ZNF248: variants seen among roughly 807,000 people sequenced by gnomAD.
ZNF248 encodes zinc finger protein 248.
A neutral mutation model predicts 44.3 loss-of-function variants in ZNF248; 20 were observed. The ratio of observed to expected loss-of-function variants is 0.45; its 90% CI spans 0.32 to 0.66. The LOEUF (loss-of-function observed/expected upper bound fraction) is 0.66. ZNF248 is among the 30% of genes least tolerant of loss of function. The probability of loss-of-function intolerance (pLI) is 0.04; values close to 1 mark genes in which losing one functional copy is unlikely to be tolerated. For missense variants in ZNF248, 654 were observed against 677.0 expected (o/e 0.97, Z 0.38); for synonymous variants, 224 against 229.0 (o/e 0.98, Z 0.20).
chr10:37,854,964 C>A (rs950210491), intron 3 of ZNF248, among the ~76,000 whole-genome samples: 3 of 152,108 alleles, frequency 2.0e-5, no homozygotes, highest in East Asian at 1.9e-4. Context: ...ATAAAGGACC[C>A]CATCCACAGC....
At chr10:37,822,837 T>C (rs1341887971) in intron 6 of ZNF248, among the ~76,000 whole-genome samples, 3 of 152,168 alleles carry the variant, frequency 2.0e-5, no homozygotes, top group African/African-American at 7.2e-5. Context: ...AAAGTCATCC[T>C]GGGCAACAGG....
At chr10:37,824,069 C>T (rs368775258), downstream of ZNF248, among the ~76,000 whole-genome samples, 2 of 152,068 alleles carry the variant, frequency 1.3e-5, no homozygotes, top group Admixed American at 6.5e-5. Flanking sequence ...ATTATGGAGG[C>T]TAGCAAGTCC....
At chr10:37,790,984 TC>T (rs2048463233) in intron 6 of ZNF248, among the ~76,000 whole-genome samples, 1 of 148,330 alleles carries the variant, frequency 6.7e-6, no homozygotes, top group Admixed American at 6.7e-5. Flanking sequence ...ACAGTCAAGT[TC>T]CCACCTTGGG....
At chr10:37,791,228 G>A (rs1225218788) in intron 6 of ZNF248, among the ~76,000 whole-genome samples, 1 of 151,370 alleles carries the variant, frequency 6.6e-6, no homozygotes, top group East Asian at 1.9e-4. Flanking sequence ...ATTTTTAGTA[G>A]AGACGGGGTT....
At position 37,829,256 on chromosome 10, in the gene ZNF248, T is replaced by G. The variant is rs1303598907; in HGVS notation, c.*2359A>C. The G allele has an allele frequency of 4.1e-6, 4 of 985,362 alleles. No homozygotes were observed. The highest frequency in any genetic ancestry group is 1.7e-5 in the African/African-American group (1 of 57,248). 61.0% of individuals were successfully genotyped at this position (985,362 alleles called of 1,614,324 possible). A position where few individuals can be genotyped will look rare whatever the true frequency, so the allele number is the denominator to read the frequency against. ...GCTCTGGTAACACTGTTTCCCTCCT[T>G]GCCCTTCAAGGCTCAGAATGGCAAT... is the stretch of plus-strand genomic sequence containing the variant. On this transcript the variant is annotated 3_prime_UTR_variant, in exon 6 of 6. Coordinates refer to ENST00000395867, the MANE Select transcript of ZNF248 (RefSeq NM_021045.3).
At chr10:37,795,229 C>T (rs2049013468) in intron 6 of ZNF248, 1 of 152,182 alleles carries the variant, frequency 6.6e-6, no homozygotes. Context: ...TGAGGATAAT[C>T]ATGAGATGTC....
At chr10:37,819,027 C>T (rs2053029866) in intron 6 of ZNF248, 1 of 830,544 alleles carries the variant, frequency 1.2e-6, no homozygotes. Context: ...GATGTCAGCT[C>T]CATGCCACCC....
At chr10:37,804,078 A>C (rs970826179) in intron 6 of ZNF248, 4 of 150,802 alleles carry the variant, frequency 2.7e-5, no homozygotes, top group African/African-American at 4.9e-5. Context: ...TCACCTCTCT[A>C]AACTTGTTTC....
the ZNF248 span, among the ~76,000 whole-genome samples, chr10:37,762,194 A>T: frequency 6.6e-6 from 1 of 152,230 alleles, no homozygotes; most frequent in Non-Finnish European, 1.5e-5. Flanking sequence ...ACTGTTGAAT[A>T]GCAAATCAAA....
downstream of ZNF248, among the ~76,000 whole-genome samples, chr10:37,772,337 C>T (rs568997137): frequency 1.3e-5 from 2 of 151,742 alleles, no homozygotes; most frequent in Non-Finnish European, 1.5e-5. Flanking sequence ...TACTATCATG[C>T]AAAGTGAGAA....
chr10:37,830,605 T>C lies in ZNF248; in HGVS notation c.*1010A>G. 2 of 985,284 alleles carry C rather than the reference T, an allele frequency of 2.0e-6. No homozygotes were observed. Among genetic ancestry groups the C allele is most frequent in the South Asian group, 4.7e-5 (1 of 21,282 alleles). The allele number at this position is 985,284 out of a possible 1,614,324, so 61.0% of individuals were successfully genotyped here. A position where few individuals can be genotyped will look rare whatever the true frequency, so the allele number is the denominator to read the frequency against. On this transcript the variant is annotated 3_prime_UTR_variant, in exon 6 of 6. Transcript: ENST00000395867. The stretch of plus-strand genomic sequence containing the variant: ...TTGTATTGCCAAATACGTTTTCATA[T>C]ATACACAGTGATGTGCTGTAAATAT...
chr10:37,856,719 TA>T (rs764708211), intron 1 of ZNF248, 187 bp from the exon 2 acceptor site: 3 of 990,872 alleles, frequency 3.0e-6, no homozygotes, highest in South Asian at 4.7e-5. Flanking sequence ...AAAAGACCTC[TA>T]AAAAAAGGGA....
At chr10:37,827,156 C>A (rs763591502), downstream of ZNF248, among the ~76,000 whole-genome samples, 1 of 152,162 alleles carries the variant, frequency 6.6e-6, no homozygotes. Flanking sequence ...TCTCCAAGTT[C>A]GTTTTCTGTT....
intron 6 of ZNF248, among the ~76,000 whole-genome samples, chr10:37,822,294 G>GA (rs1279026975): frequency 1.3e-5 from 2 of 151,856 alleles, no homozygotes; most frequent in African/African-American, 4.8e-5. Flanking sequence ...TGTGAACACA[G>GA]AAAAAAACAT....
At chr10:37,769,081 G>A in the ZNF248 span, among the ~76,000 whole-genome samples, 1 of 152,112 alleles carries the variant, frequency 6.6e-6, no homozygotes, top group Non-Finnish European at 1.5e-5. Flanking sequence ...GGAAGAAGTT[G>A]AATCTCTGAA....
intron 6 of ZNF248, among the ~76,000 whole-genome samples, chr10:37,804,760 T>C (rs546004607): frequency 1.3e-5 from 2 of 152,308 alleles, no homozygotes; most frequent in African/African-American, 4.8e-5. Flanking sequence ...ATAATGTGAA[T>C]CTTAATATCA....
downstream of ZNF248, among the ~76,000 whole-genome samples, chr10:37,827,725 A>T (rs776437768): frequency 6.6e-6 from 1 of 152,222 alleles, no homozygotes; most frequent in African/African-American, 2.4e-5. Flanking sequence ...GATCCAGGGC[A>T]GTCACAGCCA....
chr10:37,769,347 G>T, the ZNF248 span, among the ~76,000 whole-genome samples: 43 of 152,250 alleles, frequency 2.8e-4, no homozygotes, highest in African/African-American at 9.6e-4. Context: ...CAATATCCTT[G>T]ATGAATATTG....
At chr10:37,787,151 C>T (rs572131206) in intron 6 of ZNF248, among the ~76,000 whole-genome samples, 16 of 152,108 alleles carry the variant, frequency 1.1e-4, no homozygotes, top group Middle Eastern at 3.4e-3. Flanking sequence ...TGGTGGTACA[C>T]GCCTGTAGTC....
Sources: allele counts gnomAD v4.1 joint callset (sites outside exome capture counted in the v4.1 genomes callset), GRCh38; gene constraint gnomAD v4.1.1; transcripts MANE v1.5; gene names NCBI Gene and HGNC (gene_info 2026-07-23, HGNC 2026-07-21).